GPR158: variants seen among roughly 807,000 people sequenced by gnomAD.
GPR158 encodes metabotropic glycine receptor.
A neutral mutation model predicts 78.2 loss-of-function variants in GPR158; 30 were observed. That is an observed-to-expected ratio of 0.38 (90% CI 0.29 to 0.52). The LOEUF (loss-of-function observed/expected upper bound fraction) is 0.52. Ranked by LOEUF, GPR158 falls within the 20% of genes least tolerant of loss-of-function variation. The pLI is 0.83. For synonymous variants in GPR158, 581 were observed against 591.1 expected, an observed-to-expected ratio of 0.98 and a Z score of 0.25; for missense variants, 1,463 against 1,523.5, an observed-to-expected ratio of 0.96 and a Z score of 0.66.
intron 2 of GPR158, among the ~76,000 whole-genome samples, chr10:25,263,311 T>A (rs998588770): frequency 2.0e-5 from 3 of 152,190 alleles, no homozygotes; most frequent in African/African-American, 7.2e-5. Context: ...TGTATTGCTT[T>A]CGCTTCTTTC....
At position 25,175,793 on chromosome 10, in the gene GPR158, G is replaced by C. The variant is rs1298952690; in HGVS notation, c.373G>C (p.Ala125Pro). 1.9e-6 allele frequency: 3 copies of C among 1,611,494 alleles called. No individual in the cohort carries two copies. The highest frequency in any genetic ancestry group is 1.7e-5 in the Admixed American group (1 of 60,008). ...LASAHPSLHR[A>P]LDTLTHATNF... ...CAGCGCGCACCCCTCCTTGCACCGG[G>C]CGCTGGACACACTGACACACGCCAC... Residue 125 changes from alanine (A) to proline (P), a missense_variant, in exon 1 of 11, where the codon GCG (alanine) becomes CCG (proline). By Grantham distance (27) the Ala-to-Pro change is conservative. Coordinates refer to ENST00000376351, the MANE Select transcript of GPR158 (RefSeq NM_020752.3). This position sits in a 1 kb window ranked among gnomAD's most constrained non-coding sequence, Gnocchi z 6.4.
intron 6 of GPR158, among the ~76,000 whole-genome samples, chr10:25,565,853 C>T (rs1386593381): frequency 6.6e-6 from 1 of 152,024 alleles, no homozygotes; most frequent in Non-Finnish European, 1.5e-5. Context: ...AAGCTGTAGG[C>T]TTTATTGAGC....
chr10:25,501,401 C>T (rs7082952), intron 5 of GPR158, among the ~76,000 whole-genome samples: 92,871 of 152,086 alleles, frequency 0.61, 29,681 homozygotes, highest in African/African-American at 0.81. Context: ...ATCTACTTTT[C>T]CTTCATGATA....
At chr10:25,411,133 A>G (rs752985198) in intron 3 of GPR158, among the ~76,000 whole-genome samples, 49 of 149,894 alleles carry the variant, frequency 3.3e-4, no homozygotes, top group Non-Finnish European at 2.1e-4. Flanking sequence ...CATTAATTGG[A>G]TAGATGTTGG....
chr10:25,570,411 G>A (rs971334203), intron 6 of GPR158, among the ~76,000 whole-genome samples: 1 of 152,152 alleles, frequency 6.6e-6, no homozygotes, highest in African/African-American at 2.4e-5. Flanking sequence ...GATAGTTAGA[G>A]TTCATTGTTC....
chr10:25,593,379 A>G (rs1837365541), intron 8 of GPR158, among the ~76,000 whole-genome samples: 1 of 152,078 alleles, frequency 6.6e-6, no homozygotes, highest in Non-Finnish European at 1.5e-5. Context: ...TGTGATTATA[A>G]TATCATGAGC....
intron 1 of GPR158, among the ~76,000 whole-genome samples, chr10:25,210,124 G>A (rs943699641): frequency 6.6e-6 from 1 of 152,192 alleles, no homozygotes; most frequent in Non-Finnish European, 1.5e-5. Context: ...TTTCAAAAAA[G>A]TATCTTGTTT....
intron 5 of GPR158, among the ~76,000 whole-genome samples, chr10:25,478,568 A>G (rs1621183): frequency 0.048 from 7,280 of 151,798 alleles, 225 homozygotes; most frequent in Middle Eastern, 0.092. Context: ...GGATTAAGCT[A>G]TGAGATTTTA....
At chr10:25,327,598 T>A (rs1476598873) in intron 2 of GPR158, among the ~76,000 whole-genome samples, 1 of 152,194 alleles carries the variant, frequency 6.6e-6, no homozygotes, top group Non-Finnish European at 1.5e-5. Flanking sequence ...AAGAGGTTTT[T>A]GGGATTTATG....
At chr10:25,435,844 A>G (rs529728197) in intron 4 of GPR158, among the ~76,000 whole-genome samples, 1 of 152,310 alleles carries the variant, frequency 6.6e-6, no homozygotes, top group East Asian at 1.9e-4. Context: ...TGGGTAAGAG[A>G]TAGTCGTGGT....
At chr10:25,213,776 TAA>T (rs1233671252) in intron 1 of GPR158, among the ~76,000 whole-genome samples, 8 of 152,328 alleles carry the variant, frequency 5.3e-5, no homozygotes, top group African/African-American at 1.4e-4. Flanking sequence ...ATTGTGCTAT[TAA>T]AGTTTTTTCT....
intron 9 of GPR158, among the ~76,000 whole-genome samples, chr10:25,595,029 T>C (rs1352745098): frequency 6.6e-6 from 1 of 152,080 alleles, no homozygotes. Context: ...TTGGAGTTTT[T>C]TTTCTCTGGG....
At chr10:25,332,211 G>A (rs543676084) in intron 2 of GPR158, among the ~76,000 whole-genome samples, 3 of 152,242 alleles carry the variant, frequency 2.0e-5, no homozygotes, top group Admixed American at 6.5e-5. Context: ...CTGATGTGCT[G>A]ACAAGCTTGG....
At chr10:25,456,245 C>T (rs941743590) in intron 4 of GPR158, among the ~76,000 whole-genome samples, 7 of 152,094 alleles carry the variant, frequency 4.6e-5, no homozygotes, top group African/African-American at 1.7e-4. Flanking sequence ...TCTTTTGTAT[C>T]CTTGTAAATG....
intron 2 of GPR158, among the ~76,000 whole-genome samples, chr10:25,312,731 C>G (rs67791036): frequency 0.2 from 30,805 of 152,012 alleles, 5,262 homozygotes; most frequent in African/African-American, 0.47. Context: ...GAAATGTATG[C>G]AAAGCCTTAG....
Position 25,175,591 on chromosome 10 carries a change from C to T in GPR158, c.171C>T (p.Ser57=), listed in dbSNP as rs779142792. The T allele has an allele frequency of 1.9e-6, 3 of 1,610,848 alleles. No homozygotes were observed. Among genetic ancestry groups the T allele is most frequent in the Non-Finnish European group, 2.5e-6 (3 of 1,179,820 alleles). Residue 57 remains serine (S), a synonymous_variant, in exon 1 of 11, where the codon TCC becomes TCT. Coordinates refer to ENST00000376351, the MANE Select transcript of GPR158 (RefSeq NM_020752.3). This position sits in a 1 kb window ranked among gnomAD's most constrained non-coding sequence, Gnocchi z 6.4. ...CGGGTCGAGCCTCTGCCTCGGACTC[C>T]TCGGCTCCCTGGAGCCGCTCCACCG... The part of the protein sequence containing the change: ...QQPGRASASD[S]SAPWSRSTDG...
At chr10:25,556,018 T>A (rs947358025) in intron 6 of GPR158, among the ~76,000 whole-genome samples, 8 of 152,218 alleles carry the variant, frequency 5.3e-5, no homozygotes, top group Non-Finnish European at 8.8e-5. Flanking sequence ...TTATTTATTT[T>A]ATGTATTCTT....
intron 2 of GPR158, among the ~76,000 whole-genome samples, chr10:25,254,775 G>T (rs1348785125): frequency 6.6e-6 from 1 of 152,160 alleles, no homozygotes; most frequent in Non-Finnish European, 1.5e-5. Flanking sequence ...GCATATTAGT[G>T]TAATGTATTT....
At chr10:25,526,807 T>G (rs996417307) in intron 5 of GPR158, among the ~76,000 whole-genome samples, 8 of 152,152 alleles carry the variant, frequency 5.3e-5, no homozygotes, top group Non-Finnish European at 8.8e-5. Flanking sequence ...GAAGTAAGAT[T>G]GATGGACTGG....
Sources: gnomAD v4.1 joint callset for allele counts (sites outside exome capture counted in the v4.1 genomes callset) on GRCh38, gnomAD v4.1.1 for gene constraint, Gnocchi (gnomAD v3.1) non-coding constraint, MANE v1.5 for transcripts, NCBI Gene and HGNC (gene_info 2026-07-23, HGNC 2026-07-21) for gene names.